Variants in GALNT10 observed in about 807,000 individuals in gnomAD.
The protein encoded by GALNT10 is GalNAc transferase 10.
A neutral mutation model predicts 75.0 loss-of-function variants in GALNT10; 41 were observed. The observed-to-expected ratio is 0.55, with a 90% confidence interval of 0.43 to 0.71. GALNT10 has a LOEUF of 0.71. Ranked by LOEUF, GALNT10 falls within the 30% of genes least tolerant of loss-of-function variation. The probability of loss-of-function intolerance (pLI) is 0.00; values close to 1 mark genes in which losing one functional copy is unlikely to be tolerated. For synonymous variants in GALNT10, 302 were observed against 313.0 expected, an observed-to-expected ratio of 0.96 and a Z score of 0.37; for missense variants, 727 against 818.5, an observed-to-expected ratio of 0.89 and a Z score of 1.36.
chr5:154,293,282 A>G (rs1754222383), intron 1 of GALNT10, among the ~76,000 whole-genome samples: 2 of 152,224 alleles, frequency 1.3e-5, no homozygotes, highest in Non-Finnish European at 2.9e-5. Context: ...TGCCTGCCAC[A>G]GTGGCAAGAA....
intron 8 of GALNT10, among the ~76,000 whole-genome samples, chr5:154,407,254 G>T (rs185989254): frequency 2.0e-5 from 3 of 152,246 alleles, no homozygotes; most frequent in Non-Finnish European, 4.4e-5. Context: ...GGTGTTGAGA[G>T]TAGAGGTATG....
At chr5:154,399,482 G>C (rs1756113500) in intron 7 of GALNT10, among the ~76,000 whole-genome samples, 1 of 152,190 alleles carries the variant, frequency 6.6e-6, no homozygotes, top group Admixed American at 6.5e-5. Context: ...ACCCAGCCAG[G>C]ATCCAGCCCG....
chr5:154,326,532 G>A (rs1049149237), intron 3 of GALNT10, among the ~76,000 whole-genome samples: 2 of 152,116 alleles, frequency 1.3e-5, no homozygotes, highest in Non-Finnish European at 2.9e-5. Flanking sequence ...AATAAAATGT[G>A]GTGAATTCAT....
intron 7 of GALNT10, chr5:154,392,755 C>T (rs1227071178): frequency 6.6e-6 from 1 of 152,150 alleles, no homozygotes; most frequent in Non-Finnish European, 1.5e-5. Context: ...CCAACCAGGA[C>T]AATGTGACCA....
At chr5:154,267,324 A>G (rs1443352727) in intron 1 of GALNT10, among the ~76,000 whole-genome samples, 1 of 152,168 alleles carries the variant, frequency 6.6e-6, no homozygotes, top group East Asian at 1.9e-4. Flanking sequence ...TAGCAGGTAG[A>G]GGGTGGCAGA....
At chr5:154,246,021 A>G (rs1259094746) in intron 1 of GALNT10, among the ~76,000 whole-genome samples, 1 of 139,756 alleles carries the variant, frequency 7.2e-6, no homozygotes, top group Admixed American at 7.4e-5. Context: ...ATGTGTTCTC[A>G]TTGTTCAATT....
chr5:154,366,755 T>A (rs1335757621), intron 4 of GALNT10, among the ~76,000 whole-genome samples: 1 of 152,198 alleles, frequency 6.6e-6, no homozygotes, highest in Non-Finnish European at 1.5e-5. Flanking sequence ...AGATCTCAAG[T>A]CAACAGAAAA....
intron 1 of GALNT10, among the ~76,000 whole-genome samples, chr5:154,194,602 T>C (rs1449551516): frequency 6.6e-6 from 1 of 152,232 alleles, no homozygotes; most frequent in Non-Finnish European, 1.5e-5. Flanking sequence ...TCCTTTCTCC[T>C]GCCCTAAACT....
intron 4 of GALNT10, among the ~76,000 whole-genome samples, chr5:154,358,999 C>T (rs971673660): frequency 6.6e-6 from 1 of 152,148 alleles, no homozygotes; most frequent in African/African-American, 2.4e-5. Context: ...TGAGCCTTTG[C>T]CACAAGAGCC....
chr5:154,310,441 G>GT (rs34086082), intron 3 of GALNT10, among the ~76,000 whole-genome samples: 5,039 of 149,544 alleles, frequency 0.034, 249 homozygotes, highest in African/African-American at 0.12. Context: ...GGTTTTTTTT[G>GT]TTTTTTTTTT....
intron 1 of GALNT10, among the ~76,000 whole-genome samples, chr5:154,268,905 G>A (rs10067036): frequency 0.063 from 9,591 of 151,948 alleles, 827 homozygotes; most frequent in African/African-American, 0.2. Flanking sequence ...GGGAGGCCAA[G>A]GCGAAAGGAT....
At position 154,337,518 on chromosome 5, in the gene GALNT10, G is replaced by A. The variant is rs573302053; in HGVS notation, c.568+7780G>A. On this transcript the variant is annotated intron_variant, in intron 4 of 11. Transcript: ENST00000297107. ...ACTGCTGGTACTAGAACTGCCATAGGCACCTTGGTTTCATGGTTTGGCGAA... is the reference window on the plus strand; with the variant it reads ...ACTGCTGGTACTAGAACTGCCATAGACACCTTGGTTTCATGGTTTGGCGAA... 7.9e-5 allele frequency: 58 copies of A among 738,580 alleles called. 1 individual carries two copies. The African/African-American group carries it at 8.1e-4, about 10-fold the overall frequency. 45.8% of individuals were successfully genotyped at this position (738,580 alleles called of 1,614,324 possible). A position where few individuals can be genotyped will look rare whatever the true frequency, so the allele number is the denominator to read the frequency against.
chr5:154,221,178 A>G (rs1752971541), intron 1 of GALNT10, among the ~76,000 whole-genome samples: 1 of 152,214 alleles, frequency 6.6e-6, no homozygotes, highest in Non-Finnish European at 1.5e-5. Context: ...ACGCACTCTT[A>G]TAATATAAGG....
intron 1 of GALNT10, among the ~76,000 whole-genome samples, chr5:154,232,283 G>T (rs1205611159): frequency 6.6e-6 from 1 of 152,100 alleles, no homozygotes; most frequent in Non-Finnish European, 1.5e-5. Flanking sequence ...GTTGCTTATT[G>T]TAAGGTTAAT....
intron 3 of GALNT10, among the ~76,000 whole-genome samples, chr5:154,305,937 G>C (rs1754427227): frequency 6.6e-6 from 1 of 152,124 alleles, no homozygotes; most frequent in African/African-American, 2.4e-5. Context: ...AGAATCACTG[G>C]AACCTGGGAG....
intron 6 of GALNT10, 152 bp from the exon 7 acceptor site, chr5:154,386,161 C>A: frequency 1.6e-6 from 1 of 628,312 alleles, no homozygotes; most frequent in South Asian, 2.2e-5. Context: ...AGGGGGATGC[C>A]TGGAAGGGCC....
intron 1 of GALNT10, chr5:154,220,274 A>G (rs1407033740): frequency 6.6e-6 from 1 of 152,216 alleles, no homozygotes; most frequent in Non-Finnish European, 1.5e-5. Context: ...AGTATTGCTT[A>G]TAGTACTCAG....
chr5:154,198,756 G>GC (rs59924235), intron 1 of GALNT10, among the ~76,000 whole-genome samples: 10,127 of 152,174 alleles, frequency 0.067, 686 homozygotes, highest in African/African-American at 0.17. Context: ...GGTTACTCCA[G>GC]CCCCCAGGGG....
chr5:154,196,568 G>A (rs887534104), intron 1 of GALNT10, among the ~76,000 whole-genome samples: 3 of 152,258 alleles, frequency 2.0e-5, no homozygotes, highest in African/African-American at 4.8e-5. Flanking sequence ...GCTTTGTTCT[G>A]TTTTGAGGCT....
Sources: allele counts gnomAD v4.1 joint callset (sites outside exome capture counted in the v4.1 genomes callset), GRCh38; gene constraint gnomAD v4.1.1; transcripts MANE v1.5; gene names NCBI Gene and HGNC (gene_info 2026-07-23, HGNC 2026-07-21).